CACNA1E: variants seen among roughly 807,000 people sequenced by gnomAD.
CACNA1E encodes the protein calcium voltage-gated channel subunit alpha1 E.
In CACNA1E, 40 loss-of-function variants were observed where a neutral mutation model predicts 259.2. The ratio of observed to expected loss-of-function variants is 0.15; its 90% CI spans 0.12 to 0.20. The LOEUF (loss-of-function observed/expected upper bound fraction) is 0.20, where lower values mean the gene tolerates loss of function less well. Ranked by LOEUF, CACNA1E falls within the 10% of genes least tolerant of loss-of-function variation. The pLI is 1.00. For synonymous variants in CACNA1E, 1,104 were observed against 1,138.5 expected, an observed-to-expected ratio of 0.97 and a Z score of 0.61; for missense variants, 1,874 against 3,040.1, an observed-to-expected ratio of 0.62 and a Z score of 9.02.
At position 181,582,398 on chromosome 1, in the gene CACNA1E, A is replaced by G. The variant is rs148580367; in HGVS notation, c.951+1622A>G. Among the ~76,000 whole-genome samples the G allele has an allele frequency of 1.7e-3, 262 of 152,324 alleles. 5 individuals are homozygous for G. Among genetic ancestry groups the G allele is most frequent in the African/African-American group, 6.1e-3 (255 of 41,570 alleles). Reference sequence around the variant, plus strand: ...TGAGGCCATGCCACTCAAATTAGCCAGGCACCTCTAGGAATTGCAGCACTG... The same window carrying G: ...TGAGGCCATGCCACTCAAATTAGCCGGGCACCTCTAGGAATTGCAGCACTG... On this transcript the variant is annotated intron_variant, in intron 6 of 47. Coordinates refer to ENST00000367573, the MANE Select transcript of CACNA1E (RefSeq NM_001205293.3).
intron 7 of CACNA1E, among the ~76,000 whole-genome samples, chr1:181,662,149 A>G (rs980816051): frequency 1.3e-5 from 2 of 152,190 alleles, no homozygotes; most frequent in Non-Finnish European, 2.9e-5. Flanking sequence ...TAAAAAGCTT[A>G]TGGGAGCTTG....
intron 7 of CACNA1E, among the ~76,000 whole-genome samples, chr1:181,679,947 T>G (rs1361429203): frequency 6.6e-6 from 1 of 151,670 alleles, no homozygotes; most frequent in Non-Finnish European, 1.5e-5. Context: ...GACAACAAAC[T>G]TTAAAAATAA....
At chr1:181,752,108 T>C (rs1274527881) in intron 26 of CACNA1E, 35 bp from the exon 27 acceptor site, 1 of 1,345,584 alleles carries the variant, frequency 7.4e-7, no homozygotes, top group Non-Finnish European at 1.1e-6. Flanking sequence ...TTCTCCCCCA[T>C]TCCATATGAT....
upstream of CACNA1E, chr1:181,483,502 T>C (rs1233583274): frequency 7.0e-6 from 1 of 142,892 alleles, no homozygotes; most frequent in Non-Finnish European, 1.4e-5. Context: ...TTCTTTTTTC[T>C]TTTTTTTTTT....
chr1:181,762,734 C>G, intron 33 of CACNA1E, 77 bp downstream of exon 33: 1 of 817,652 alleles, frequency 1.2e-6, no homozygotes, highest in Non-Finnish European at 2.0e-6. Context: ...TATATTCAGT[C>G]CATTTTTAAC....
At chr1:181,535,689 C>CTT (rs759161338) in intron 3 of CACNA1E, among the ~76,000 whole-genome samples, 3 of 138,842 alleles carry the variant, frequency 2.2e-5, no homozygotes, top group Non-Finnish European at 3.2e-5. Flanking sequence ...ATGATTATTT[C>CTT]TTTTTTTTTT....
rs761808653 is a variant in CACNA1E, at chr1:181,805,293, T to C, written c.*6459T>C. 1 of 152,190 alleles carries C rather than the reference T, an allele frequency of 6.6e-6. No individual in the cohort carries two copies. Among genetic ancestry groups the C allele is most frequent in the Non-Finnish European group, 1.5e-5 (1 of 68,032 alleles). The allele number at this position is 152,190 out of a possible 1,614,324, so 9.4% of individuals were successfully genotyped here. On this transcript the variant is annotated 3_prime_UTR_variant, in exon 48 of 48. Coordinates refer to ENST00000367573, the MANE Select transcript of CACNA1E (RefSeq NM_001205293.3). ...TGATGACTCAATATTTTCCTTCCAG[T>C]ACTCTAATTTTTTTTTATGGCAATG...
In CACNA1E at chr1:181,428,013, G is replaced by A. The variant is rs1659431274; in HGVS notation, c.434+14433G>A. Among the ~76,000 whole-genome samples, 2 of 152,054 alleles carry A rather than the reference G, an allele frequency of 1.3e-5. 1 individual carries two copies. Among genetic ancestry groups the A allele is most frequent in the South Asian group, 4.2e-4 (2 of 4,812 alleles). On this transcript the variant is annotated intron_variant, in intron 2 of 11. Transcript: ENST00000524607. ...TATTCCAGCAACCCTATCAATGGATGTTCCCAGTTGCTTTGCAGTTACCAG... is the reference window on the plus strand; with the variant it reads ...TATTCCAGCAACCCTATCAATGGATATTCCCAGTTGCTTTGCAGTTACCAG...
chr1:181,575,896 A>C (rs896717876), intron 3 of CACNA1E, among the ~76,000 whole-genome samples: 3 of 151,850 alleles, frequency 2.0e-5, no homozygotes, highest in Non-Finnish European at 4.4e-5. Context: ...GTTTCTCTTT[A>C]TCTCGCTCTT....
chr1:181,592,174 C>G (rs1652716776), intron 6 of CACNA1E, among the ~76,000 whole-genome samples: 1 of 152,232 alleles, frequency 6.6e-6, no homozygotes, highest in Non-Finnish European at 1.5e-5. Context: ...TATTAGCACT[C>G]CTTCCCAGAT....
At chr1:181,672,540 T>C (rs1214110654) in intron 7 of CACNA1E, among the ~76,000 whole-genome samples, 9 of 152,090 alleles carry the variant, frequency 5.9e-5, no homozygotes. Flanking sequence ...CACCTATGAA[T>C]AGGAGGGAAG....
intron 7 of CACNA1E, among the ~76,000 whole-genome samples, chr1:181,706,081 C>T (rs893879962): frequency 1.3e-5 from 2 of 152,080 alleles, no homozygotes; most frequent in African/African-American, 4.8e-5. Flanking sequence ...ATCCTCTTAC[C>T]TTAGGCCACA....
chr1:181,320,645 G>C (rs1650266463), intron 1 of CACNA1E, among the ~76,000 whole-genome samples: 1 of 152,164 alleles, frequency 6.6e-6, no homozygotes, highest in South Asian at 2.1e-4. Flanking sequence ...ACCCAGGCTA[G>C]CTGACTCCCT....
At position 181,436,616 on chromosome 1, in the gene CACNA1E, C is replaced by T. The variant is rs990895386; in HGVS notation, c.434+23036C>T. Among the ~76,000 whole-genome samples, 3 of 152,096 alleles carry T rather than the reference C, an allele frequency of 2.0e-5. No homozygotes were observed. In the South Asian group the frequency reaches 6.2e-4, roughly 32 times the overall value. On this transcript the variant is annotated intron_variant, in intron 2 of 11. Coordinates refer to the CACNA1E transcript ENST00000524607. ...GTGAAATAAACAGGCACCGAAATGCCAATATCATATGAGCTCACTTATATG... is the reference window on the plus strand; with the variant it reads ...GTGAAATAAACAGGCACCGAAATGCTAATATCATATGAGCTCACTTATATG...
intron 3 of CACNA1E, among the ~76,000 whole-genome samples, chr1:181,519,594 C>T (rs1321421733): frequency 6.6e-6 from 1 of 151,988 alleles, no homozygotes; most frequent in Admixed American, 6.6e-5. Flanking sequence ...ATTTTTTTCA[C>T]AGAAGAGAAG....
intron 2 of CACNA1E, among the ~76,000 whole-genome samples, chr1:181,448,292 A>G (rs1016943568): frequency 1.3e-5 from 2 of 152,220 alleles, no homozygotes; most frequent in East Asian, 1.9e-4. Context: ...AGATCTGCAC[A>G]TGCATCCCCT....
chr1:181,707,434 T>A (rs1652900003), intron 7 of CACNA1E, among the ~76,000 whole-genome samples: 1 of 151,964 alleles, frequency 6.6e-6, no homozygotes, highest in African/African-American at 2.4e-5. Flanking sequence ...GAGACCTGGA[T>A]CCAGGAAACT....
At chr1:181,653,956 T>C (rs548140653) in intron 7 of CACNA1E, among the ~76,000 whole-genome samples, 1 of 152,260 alleles carries the variant, frequency 6.6e-6, no homozygotes, top group Non-Finnish European at 1.5e-5. Context: ...TGCTTTTAAA[T>C]ATGAACACAC....
chr1:181,588,692 G>A (rs1652334154), intron 6 of CACNA1E, among the ~76,000 whole-genome samples: 1 of 152,200 alleles, frequency 6.6e-6, no homozygotes, highest in Admixed American at 6.5e-5. Flanking sequence ...CTGGCTCAGG[G>A]CTCCTTTCCT....
Sources: gnomAD v4.1 joint callset for allele counts (sites outside exome capture counted in the v4.1 genomes callset) on GRCh38, gnomAD v4.1.1 for gene constraint, MANE v1.5 for transcripts, NCBI Gene and HGNC (gene_info 2026-07-23, HGNC 2026-07-21) for gene names.